Variants in FRY observed in about 807,000 individuals in gnomAD.
FRY encodes protein furry homolog.
A neutral mutation model predicts 348.4 loss-of-function variants in FRY; 128 were observed. The ratio of observed to expected loss-of-function variants is 0.37; its 90% CI spans 0.32 to 0.43. The LOEUF (loss-of-function observed/expected upper bound fraction) is 0.43, where lower values mean the gene tolerates loss of function less well. Ranked by LOEUF, FRY falls within the 20% of genes least tolerant of loss-of-function variation. FRY has a pLI of 1.00. For synonymous variants in FRY, 1,370 were observed against 1,374.7 expected (o/e 1.00, Z 0.08); for missense variants, 2,736 against 3,695.2 (o/e 0.74, Z 6.73).
At position 32,184,995 on chromosome 13, in the gene FRY, C is replaced by A. The variant is rs751565181; in HGVS notation, c.3166C>A (p.Arg1056=). ...ISDSTNGALE[R]DTLALGALFL... is the part of the protein sequence containing the mutation. ...TTCCAGCACAAATGGAGCCCTAGAGCGGGATACTTTAGCCCTGGGAGCTTT... is the reference window on the plus strand; with the variant it reads ...TTCCAGCACAAATGGAGCCCTAGAGAGGGATACTTTAGCCCTGGGAGCTTT... The change falls in exon 26 of 61, where the codon CGG becomes AGG. Residue 1056 remains arginine (R), a synonymous_variant. Coordinates refer to ENST00000542859, the MANE Select transcript of FRY (RefSeq NM_023037.3). 5 of 1,613,792 alleles carry A rather than the reference C, an allele frequency of 3.1e-6. No homozygotes were observed. Among genetic ancestry groups the A allele is most frequent in the Non-Finnish European group, 3.4e-6 (4 of 1,179,746 alleles).
Position 32,286,931 on chromosome 13 carries a change from G to A in FRY, c.8470-2702G>A, listed in dbSNP as rs531753715. On this transcript the variant is annotated intron_variant, in intron 58 of 60. Transcript: ENST00000542859. ...TCCCAGAACTTTGGGAGGCCAAGGCGGGCAGATCAAGAGGTCAGGAGTTCG... is the reference window on the plus strand; with the variant it reads ...TCCCAGAACTTTGGGAGGCCAAGGCAGGCAGATCAAGAGGTCAGGAGTTCG... Among the ~76,000 whole-genome samples, 16 of 151,800 alleles carry A rather than the reference G, an allele frequency of 1.1e-4. No individual in the cohort carries two copies. The South Asian group carries it at 1.5e-3, about 14-fold the overall frequency.
At chr13:32,103,954 G>A in intron 3 of FRY, among the ~76,000 whole-genome samples, 1 of 148,890 alleles carries the variant, frequency 6.7e-6, no homozygotes, top group East Asian at 1.9e-4. Context: ...CAGTGAGACC[G>A]CATCTCGAAA....
intron 1 of FRY, among the ~76,000 whole-genome samples, chr13:32,060,597 A>G (rs1873884124): frequency 6.6e-6 from 1 of 152,182 alleles, no homozygotes; most frequent in South Asian, 2.1e-4. Flanking sequence ...GCAACAGTTT[A>G]TCACTCACCC....
intron 58 of FRY, among the ~76,000 whole-genome samples, chr13:32,280,367 T>C (rs1415296190): frequency 6.6e-6 from 1 of 152,230 alleles, no homozygotes; most frequent in Admixed American, 6.5e-5. Context: ...ATCTGTGATG[T>C]CCTGTCTCAG....
chr13:32,233,894 G>C (rs1157301776), intron 41 of FRY, among the ~76,000 whole-genome samples: 1 of 152,148 alleles, frequency 6.6e-6, no homozygotes. Context: ...TCCTTTCCCA[G>C]AGTTAGAAAG....
At chr13:32,099,707 T>G (rs950925306) in intron 2 of FRY, among the ~76,000 whole-genome samples, 4 of 152,040 alleles carry the variant, frequency 2.6e-5, no homozygotes, top group African/African-American at 9.7e-5. Flanking sequence ...CTATTCATGA[T>G]GAATATTTTC....
Position 32,117,325 on chromosome 13 carries a change from C to T in FRY, c.325-9C>T. The stretch of plus-strand genomic sequence containing the variant: ...CCAGTGTTCTAATCACCTGCATTTT[C>T]CTCCATAGGTCATCAGCTCAATGAG... On this transcript the variant is annotated splice_polypyrimidine_tract_variant and intron_variant, in intron 3 of 60. Transcript: ENST00000542859. The T allele has an allele frequency of 6.2e-7, 1 of 1,613,588 alleles. No individual in the cohort carries two copies. The highest frequency in any genetic ancestry group is 8.5e-7 in the Non-Finnish European group (1 of 1,179,620).
At chr13:32,158,069 A>C (rs1457310797) in intron 16 of FRY, among the ~76,000 whole-genome samples, 2 of 152,266 alleles carry the variant, frequency 1.3e-5, no homozygotes, top group Non-Finnish European at 2.9e-5. Flanking sequence ...TCTGTCATCC[A>C]TCATTTTCAA....
At chr13:32,171,952 G>T in intron 18 of FRY, among the ~76,000 whole-genome samples, 1 of 151,534 alleles carries the variant, frequency 6.6e-6, no homozygotes, top group Non-Finnish European at 1.5e-5. Context: ...ATGTGGATGT[G>T]GATATGGGTG....
chr13:32,067,245 C>G lies in FRY; in HGVS notation c.71-11589C>G, dbSNP rs1874315135. On this transcript the variant is annotated intron_variant, in intron 1 of 60. Transcript: ENST00000542859. ...CAGAATCCTACCTATCCTTTAAGAC[C>G]TGGGTCAAATGCCACCTATTCCCCA... is the stretch of plus-strand genomic sequence containing the variant. 2.0e-5 allele frequency among the ~76,000 whole-genome samples: 3 copies of G among 152,190 alleles called. No individual in the cohort carries two copies. In the South Asian group the frequency reaches 6.2e-4, roughly 31 times the overall value.
intron 49 of FRY, among the ~76,000 whole-genome samples, 174 bp downstream of exon 49, chr13:32,249,861 TTC>T: frequency 6.6e-6 from 1 of 152,326 alleles, no homozygotes; most frequent in Admixed American, 6.5e-5. Context: ...CTTTGAACAG[TTC>T]ATCACCTTGA....
intron 2 of FRY, among the ~76,000 whole-genome samples, chr13:32,090,019 C>CACCCATTGGAGA (rs1876158915): frequency 1.3e-5 from 2 of 151,946 alleles, no homozygotes; most frequent in African/African-American, 4.8e-5. Flanking sequence ...AAGTGTAGAC[C>CACCCATTGGAGA]ACCCATTGGA....
chr13:32,133,764 C>CTTTTTTTTTTTTTTTTTTTTTTTTTT (rs1259372646), intron 8 of FRY, among the ~76,000 whole-genome samples: 4 of 108,482 alleles, frequency 3.7e-5, no homozygotes, highest in Non-Finnish European at 7.9e-5. Flanking sequence ...TTCTTTCTTT[C>CTTTTTTTTTTTTTTTTTTTTTTTTTT]TTTCTTTTTT....
At chr13:32,098,080 A>T (rs746615215) in intron 2 of FRY, among the ~76,000 whole-genome samples, 4 of 152,138 alleles carry the variant, frequency 2.6e-5, no homozygotes, top group Non-Finnish European at 5.9e-5. Flanking sequence ...AGCGAAATGC[A>T]CATGGTGGTC....
Position 32,239,384 on chromosome 13 carries a change from T to C in FRY, c.6516+35T>C, listed in dbSNP as rs1886385983. 7.7e-7 allele frequency: 1 copy of C among 1,294,952 alleles called. No homozygotes were observed. The highest frequency in any genetic ancestry group is 1.1e-6 in the Non-Finnish European group (1 of 888,578). 80.2% of individuals were successfully genotyped at this position (1,294,952 alleles called of 1,614,324 possible). ...ACAGTTCCACACTCAGGCAGATCCA[T>C]AGAGGCCTTCAGGACGCCCTAGTGT... On this transcript the variant is annotated intron_variant, in intron 45 of 60. Transcript: ENST00000542859. The surrounding 1 kb of genome is among the most constrained non-coding windows in gnomAD (Gnocchi z 4.3).
intron 31 of FRY, among the ~76,000 whole-genome samples, chr13:32,208,549 C>G (rs1469951975): frequency 6.6e-6 from 1 of 152,144 alleles, no homozygotes; most frequent in Non-Finnish European, 1.5e-5. Flanking sequence ...ACTCCAAGTC[C>G]CTTATTTTGT....
chr13:32,183,863 G>A (rs1206453709), intron 24 of FRY, among the ~76,000 whole-genome samples: 1 of 151,818 alleles, frequency 6.6e-6, no homozygotes, highest in African/African-American at 2.4e-5. Flanking sequence ...TAGGTCAGGT[G>A]CAGTAGCTCA....
intron 23 of FRY, among the ~76,000 whole-genome samples, chr13:32,181,494 T>C (rs1169250317): frequency 2.1e-5 from 3 of 141,046 alleles, no homozygotes; most frequent in African/African-American, 5.4e-5. Context: ...CTCGGGAGGC[T>C]GAGGCAGGAG....
chr13:32,102,765 C>T (rs1877248232), intron 3 of FRY, among the ~76,000 whole-genome samples: 1 of 152,164 alleles, frequency 6.6e-6, no homozygotes, highest in Admixed American at 6.5e-5. Flanking sequence ...GATAACAGGA[C>T]ATCCAAGGAG....
Sources: gnomAD v4.1 joint callset for allele counts (sites outside exome capture counted in the v4.1 genomes callset) on GRCh38, gnomAD v4.1.1 for gene constraint, Gnocchi (gnomAD v3.1) non-coding constraint, MANE v1.5 for transcripts, NCBI Gene and HGNC (gene_info 2026-07-23, HGNC 2026-07-21) for gene names.